GABRA5: variants seen among roughly 807,000 people sequenced by gnomAD.
GABRA5 encodes the protein gamma-aminobutyric acid type A receptor subunit alpha5.
Under a neutral mutation model 47.3 loss-of-function variants are expected in GABRA5, and 18 were observed. The observed-to-expected ratio is 0.38, with a 90% CI of 0.26 to 0.56. GABRA5 has a LOEUF of 0.56. Ranked by LOEUF, GABRA5 falls within the 20% of genes least tolerant of loss-of-function variation. The pLI is 0.71. For synonymous variants in GABRA5, 237 were observed against 229.3 expected (o/e 1.03, Z -0.30); for missense variants, 365 against 599.3 (o/e 0.61, Z 4.08).
intron 6 of GABRA5, among the ~76,000 whole-genome samples, chr15:26,895,646 A>T (rs1893165566): frequency 6.6e-6 from 1 of 151,830 alleles, no homozygotes; most frequent in Admixed American, 6.6e-5. Flanking sequence ...CCCCGTCTCT[A>T]CTAAAAATAC....
At chr15:26,887,789 G>A (rs1251461734) in intron 6 of GABRA5, among the ~76,000 whole-genome samples, 2 of 151,656 alleles carry the variant, frequency 1.3e-5, no homozygotes, top group African/African-American at 2.4e-5. Context: ...ATTTTTAATC[G>A]ACCCATAATA....
At chr15:26,869,957 A>C (rs1892423347) in intron 3 of GABRA5, among the ~76,000 whole-genome samples, 1 of 151,632 alleles carries the variant, frequency 6.6e-6, no homozygotes, top group South Asian at 2.1e-4. Flanking sequence ...ACCAACTCTA[A>C]CCTTTTTTTT....
At chr15:26,885,097 C>A (rs1388968242) in intron 6 of GABRA5, among the ~76,000 whole-genome samples, 1 of 151,990 alleles carries the variant, frequency 6.6e-6, no homozygotes, top group Non-Finnish European at 1.5e-5. Context: ...GAGATCGAGA[C>A]CATCCTGGCT....
intron 10 of GABRA5, among the ~76,000 whole-genome samples, chr15:26,943,996 G>A (rs1894451156): frequency 1.3e-5 from 2 of 152,200 alleles, no homozygotes; most frequent in Admixed American, 1.3e-4. Flanking sequence ...GTTTCCTTGG[G>A]GAGATAAGAA....
At chr15:26,908,491 G>C (rs7170180) in intron 6 of GABRA5, among the ~76,000 whole-genome samples, 71,373 of 152,026 alleles carry the variant, frequency 0.47, 18,422 homozygotes, top group African/African-American at 0.71. Context: ...AATGCCAAAC[G>C]CTGTGTCTCC....
chr15:26,936,129 G>A (rs1894236616), intron 7 of GABRA5, among the ~76,000 whole-genome samples: 1 of 152,124 alleles, frequency 6.6e-6, no homozygotes, highest in Non-Finnish European at 1.5e-5. Flanking sequence ...TCTCTCTTCT[G>A]CCACCCTGTG....
At position 26,943,211 on chromosome 15, in the gene GABRA5, G is replaced by A. The variant is rs771476809; in HGVS notation, c.878-4G>A. ...TTTCACTCTGCCCTGCCTGACCCCC[G>A]CAGGGGTCACCACGGTGCTGACCAT... is the stretch of plus-strand genomic sequence containing the variant. On this transcript the variant is annotated splice_region_variant and splice_polypyrimidine_tract_variant and intron_variant, in intron 9 of 10. Coordinates refer to ENST00000335625, the MANE Select transcript of GABRA5 (RefSeq NM_000810.4). The A allele has an allele frequency of 1.7e-5, 26 of 1,550,646 alleles. No homozygotes were observed. The highest frequency in any genetic ancestry group is 5.9e-5 in the Admixed American group (3 of 51,086).
intron 3 of GABRA5, among the ~76,000 whole-genome samples, chr15:26,875,245 G>A (rs1251329679): frequency 6.6e-6 from 1 of 152,194 alleles, no homozygotes; most frequent in Non-Finnish European, 1.5e-5. Flanking sequence ...ATGGTGCCTG[G>A]CCTCAGCCTG....
chr15:26,943,843 C>T (rs1043069802), intron 10 of GABRA5, among the ~76,000 whole-genome samples: 3 of 152,040 alleles, frequency 2.0e-5, no homozygotes, highest in African/African-American at 4.8e-5. Context: ...CAAGCCCCAC[C>T]GAGTGCATGA....
Position 26,868,967 on chromosome 15 carries a change from T to G in GABRA5, c.-75+174T>G, listed in dbSNP as rs1033904953. On this transcript the variant is annotated intron_variant, in intron 2 of 10. Transcript: ENST00000335625. ...GGTGATTCTGCACCCTGAGTAGAAG[T>G]AAAAATAAGCCTCTTGTTACTTATT... Among the ~76,000 whole-genome samples, 20 of 152,208 alleles carry G rather than the reference T, an allele frequency of 1.3e-4. 1 individual carries two copies. Among genetic ancestry groups the G allele is most frequent in the African/African-American group, 4.1e-4 (17 of 41,456 alleles).
At position 26,948,274 on chromosome 15, in the gene GABRA5, C is replaced by A. The variant is rs1015213930; in HGVS notation, c.*41C>A. 3 of 1,581,630 alleles carry A rather than the reference C, an allele frequency of 1.9e-6. No homozygotes were observed. Among genetic ancestry groups the A allele is most frequent in the South Asian group, 1.2e-5 (1 of 86,952 alleles). ...AACTCCAAGACAGCCATACTTCCAG[C>A]GAAATGGTACCAAGGAGAGGTCTTG... On this transcript the variant is annotated 3_prime_UTR_variant, in exon 11 of 11. Coordinates refer to ENST00000335625, the MANE Select transcript of GABRA5 (RefSeq NM_000810.4).
At chr15:26,920,938 C>T (rs1308776144) in intron 7 of GABRA5, among the ~76,000 whole-genome samples, 1 of 152,186 alleles carries the variant, frequency 6.6e-6, no homozygotes, top group Non-Finnish European at 1.5e-5. Context: ...TTGATATAAT[C>T]ATGTGAGTTT....
intron 6 of GABRA5, among the ~76,000 whole-genome samples, chr15:26,908,908 C>A (rs1893512105): frequency 6.6e-6 from 1 of 152,206 alleles, no homozygotes; most frequent in Non-Finnish European, 1.5e-5. Context: ...TTATTTGTCA[C>A]CTTTGTGAAA....
intron 6 of GABRA5, among the ~76,000 whole-genome samples, chr15:26,911,252 A>G (rs1303521478): frequency 6.6e-6 from 1 of 151,976 alleles, no homozygotes; most frequent in Admixed American, 6.6e-5. Context: ...TTGTAGAAAA[A>G]CTGTCTTTTT....
In GABRA5 at chr15:26,880,740, G is replaced by C; in HGVS notation, c.87-106G>C. The C allele has an allele frequency of 3.4e-6, 4 of 1,174,412 alleles. No individual in the cohort carries two copies. In the South Asian group the frequency reaches 5.9e-5, roughly 17 times the overall value. The allele number at this position is 1,174,412 out of a possible 1,614,324, so 72.7% of individuals were successfully genotyped here. A position where few individuals can be genotyped will look rare whatever the true frequency, so the allele number is the denominator to read the frequency against. On this transcript the variant is annotated intron_variant, in intron 3 of 10. Transcript: ENST00000335625. ...ATGGGAGCTGTGTTCTCAGATCCTC[G>C]TCTCAGGAGACAAGCCTCCACGTGA...
chr15:26,908,506 C>G (rs1205883119), intron 6 of GABRA5, among the ~76,000 whole-genome samples: 1 of 152,180 alleles, frequency 6.6e-6, no homozygotes, highest in Non-Finnish European at 1.5e-5. Context: ...GTCTCCAAAC[C>G]CTGCAGGCTT....
intron 6 of GABRA5, among the ~76,000 whole-genome samples, chr15:26,908,432 A>G (rs1331395773): frequency 2.0e-5 from 3 of 152,220 alleles, no homozygotes; most frequent in South Asian, 2.1e-4. Flanking sequence ...CACCAGAGTC[A>G]GGCTGCAGCC....
Position 26,939,435 on chromosome 15 carries a change from A to G in GABRA5, c.725-490A>G, listed in dbSNP as rs191409687. 9.9e-5 allele frequency: 76 copies of G among 764,422 alleles called. No homozygotes were observed. In the East Asian group the frequency reaches 1.6e-3, roughly 16 times the overall value. 47.4% of individuals were successfully genotyped at this position (764,422 alleles called of 1,614,324 possible). ...GACCCAGAGCCTCCTGAGCTGCTGC[A>G]TCTCACTCTGCACCTGCGACACAGC... On this transcript the variant is annotated intron_variant, in intron 8 of 10. Coordinates refer to ENST00000335625, the MANE Select transcript of GABRA5 (RefSeq NM_000810.4).
intron 8 of GABRA5, among the ~76,000 whole-genome samples, chr15:26,937,800 C>T (rs1442390527): frequency 1.3e-5 from 2 of 152,240 alleles, no homozygotes; most frequent in African/African-American, 4.8e-5. Context: ...CTGAGCCCTG[C>T]AGGGCCAATA....
Sources: gnomAD v4.1 joint callset for allele counts (sites outside exome capture counted in the v4.1 genomes callset) on GRCh38, gnomAD v4.1.1 for gene constraint, MANE v1.5 for transcripts, NCBI Gene and HGNC (gene_info 2026-07-23, HGNC 2026-07-21) for gene names.